The following DUSP15 variants were observed in gnomAD, a reference collection of about 807,000 sequenced individuals.
DUSP15 encodes the protein dual specificity protein phosphatase 15.
DUSP15 carries 23 observed loss-of-function variants against 26.3 expected under a neutral mutation model. The ratio of observed to expected loss-of-function variants is 0.87; its 90% CI spans 0.63 to 1.24. DUSP15 has a LOEUF of 1.24. DUSP15 is among the 50% of genes most tolerant of loss of function. The pLI, the probability that DUSP15 is intolerant of heterozygous loss-of-function variation, is 0.00. For missense variants in DUSP15, 364 were observed against 320.6 expected (o/e 1.14, Z -1.03); for synonymous variants, 143 against 135.5 (o/e 1.06, Z -0.39).
intron 8 of DUSP15, chr20:31,849,634 G>T (rs1435298460): frequency 1.3e-4 from 197 of 1,518,136 alleles, no homozygotes; most frequent in Non-Finnish European, 1.5e-4. Flanking sequence ...CAGGCGCTTG[G>T]TGAACACGCC....
At chr20:31,869,911 G>T in intron 1 of DUSP15, 1 of 1,364,080 alleles carries the variant, frequency 7.3e-7, no homozygotes. Context: ...AGGGTGCAGG[G>T]ATGGAAATTC....
intron 6 of DUSP15, among the ~76,000 whole-genome samples, chr20:31,855,453 G>A (rs1186336833): frequency 6.6e-6 from 1 of 152,198 alleles, no homozygotes; most frequent in Non-Finnish European, 1.5e-5. Flanking sequence ...GAGAAATTAA[G>A]GAGGAAGAGA....
At chr20:31,848,108 A>T in exon 10 of DUSP15, 1 of 387,906 alleles carries the variant, frequency 2.6e-6, no homozygotes, top group Non-Finnish European at 4.6e-6. Flanking sequence ...CTCTGAGGAA[A>T]GCGCTATTGA....
intron 2 of DUSP15, among the ~76,000 whole-genome samples, chr20:31,868,476 C>CTT (rs35862553): frequency 1.2e-3 from 114 of 97,312 alleles, no homozygotes; most frequent in Non-Finnish European, 1.6e-3. Flanking sequence ...TTTTCTTTCT[C>CTT]TTTTTTTTTT....
At chr20:31,864,340 TG>T (rs1476413008) in intron 4 of DUSP15, 13 of 1,063,274 alleles carry the variant, frequency 1.2e-5, no homozygotes, top group Non-Finnish European at 1.4e-5. Context: ...TCAGAGCACC[TG>T]GGCACAATGA....
chr20:31,846,127 GACACAGACAC>G (rs1568646240), downstream of DUSP15, among the ~76,000 whole-genome samples: 7 of 141,822 alleles, frequency 4.9e-5, no homozygotes, highest in African/African-American at 1.1e-4. Flanking sequence ...GAGACACACA[GACACAGACAC>G]ACACACAGAC....
At chr20:31,852,467 G>C (rs1479326266) in intron 6 of DUSP15, among the ~76,000 whole-genome samples, 1 of 152,220 alleles carries the variant, frequency 6.6e-6, no homozygotes, top group East Asian at 1.9e-4. Flanking sequence ...ACCTCCAGGG[G>C]CAGGATGGTA....
chr20:31,849,635 T>C (rs569874884), intron 8 of DUSP15: 1 of 1,519,408 alleles, frequency 6.6e-7, no homozygotes, highest in Admixed American at 1.9e-5. Flanking sequence ...AGGCGCTTGG[T>C]GAACACGCCC....
At chr20:31,869,455 C>G (rs2062862638) in intron 2 of DUSP15, 109 bp downstream of exon 2, 1 of 1,454,152 alleles carries the variant, frequency 6.9e-7, no homozygotes. Context: ...GGGCCGCTTC[C>G]CTGCCCCCAA....
chr20:31,855,470 G>C (rs1019091073), intron 6 of DUSP15, among the ~76,000 whole-genome samples: 8 of 152,308 alleles, frequency 5.3e-5, no homozygotes, highest in Non-Finnish European at 1.0e-4. Flanking sequence ...GAGATAAGCT[G>C]AAGCTAGATC....
chr20:31,850,820 TGGTA>T, intron 6 of DUSP15: 1 of 851,030 alleles, frequency 1.2e-6, no homozygotes, highest in Non-Finnish European at 1.9e-6. Flanking sequence ...GGAGGATGGG[TGGTA>T]GTAAGGAACC....
intron 2 of DUSP15, among the ~76,000 whole-genome samples, chr20:31,868,470 CTT>C (rs2062822041): frequency 1.4e-5 from 2 of 143,326 alleles, no homozygotes; most frequent in Admixed American, 7.5e-5. Flanking sequence ...TTTCTTTTTT[CTT>C]TCTCTTTTTT....
At chr20:31,852,119 C>T (rs1166445029) in intron 6 of DUSP15, among the ~76,000 whole-genome samples, 23 of 151,722 alleles carry the variant, frequency 1.5e-4, no homozygotes, top group African/African-American at 5.6e-4. Flanking sequence ...GTGATTCTCC[C>T]GCCTCAGCCT....
chr20:31,852,008 C>CT lies in DUSP15; in HGVS notation c.427-1333dup, dbSNP rs59714323. Reference sequence around the variant, plus strand: ...CTCAGTTTCCTCCTTTTCTTTCTTTCTTTTTTTTTTTTTTTTGAGATGGAG... The same window carrying CT: ...CTCAGTTTCCTCCTTTTCTTTCTTTCTTTTTTTTTTTTTTTTTGAGATGGAG... On this transcript the variant is annotated intron_variant, in intron 6 of 9. Coordinates refer to the DUSP15 transcript ENST00000278979. Among the ~76,000 whole-genome samples, 726 of 127,914 alleles carry CT rather than the reference C, an allele frequency of 5.7e-3. 1 individual carries two copies. The highest frequency in any genetic ancestry group is 0.016 in the African/African-American group (555 of 35,194). 83.9% of individuals were successfully genotyped at this position (127,914 alleles called of 152,430 possible). A position where few individuals can be genotyped will look rare whatever the true frequency, so the allele number is the denominator to read the frequency against.
At chr20:31,858,629 G>T (rs1568672579), downstream of DUSP15, among the ~76,000 whole-genome samples, 1 of 152,204 alleles carries the variant, frequency 6.6e-6, no homozygotes, top group South Asian at 2.1e-4. This position sits in a 1 kb window ranked among gnomAD's most constrained non-coding sequence, Gnocchi z 4.4. Flanking sequence ...GGGCTCTGCG[G>T]GTCTCAGGAG....
Position 31,870,366 on chromosome 20 carries a change from C to A in DUSP15, c.-29G>T. 9 of 1,280,000 alleles carry A rather than the reference C, an allele frequency of 7.0e-6. No individual in the cohort carries two copies. Among genetic ancestry groups the A allele is most frequent in the Non-Finnish European group, 8.9e-6 (9 of 1,014,004 alleles). The allele number at this position is 1,280,000 out of a possible 1,614,324, so 79.3% of individuals were successfully genotyped here. A position where few individuals can be genotyped will look rare whatever the true frequency, so the allele number is the denominator to read the frequency against. ...CCCGGGGGCGGCGGTCCGGGTGCAC[C>A]CCCAGCTCGCCGCCCGGGAAGCGAT... On this transcript the variant is annotated 5_prime_UTR_variant, in exon 1 of 7. Transcript: ENST00000339738. The surrounding 1 kb of genome is among the most constrained non-coding windows in gnomAD (Gnocchi z 6.6).
In DUSP15 at chr20:31,870,498, G is replaced by T; in HGVS notation, c.-161C>A. On this transcript the variant is annotated 5_prime_UTR_variant, in exon 1 of 7. Transcript: ENST00000339738. The surrounding 1 kb of genome is among the most constrained non-coding windows in gnomAD (Gnocchi z 6.6). Reference sequence around the variant, plus strand: ...CCAGCCCTGCCCAGCCACCGCCACCGCCCGCCGACCCCCGGCCCGGGAGGG... The same window carrying T: ...CCAGCCCTGCCCAGCCACCGCCACCTCCCGCCGACCCCCGGCCCGGGAGGG... 1 of 1,388,972 alleles carries T rather than the reference G, an allele frequency of 7.2e-7. No homozygotes were observed. Among genetic ancestry groups the T allele is most frequent in the Non-Finnish European group, 9.3e-7 (1 of 1,075,250 alleles). 86.0% of individuals were successfully genotyped at this position (1,388,972 alleles called of 1,614,324 possible).
chr20:31,853,299 T>C (rs778593889), intron 6 of DUSP15, among the ~76,000 whole-genome samples: 2 of 151,480 alleles, frequency 1.3e-5, no homozygotes, highest in Non-Finnish European at 1.5e-5. Context: ...ATAAATAGAG[T>C]GATGGGATAT....
At position 31,861,588 on chromosome 20, in the gene DUSP15, A is replaced by G. The variant is rs1490497288; in HGVS notation, c.523T>C (p.Cys175Arg). The G allele has an allele frequency of 5.3e-6, 8 of 1,496,072 alleles. No individual in the cohort carries two copies. In the African/African-American group the frequency reaches 1.0e-4, roughly 19 times the overall value. 92.7% of individuals were successfully genotyped at this position (1,496,072 alleles called of 1,614,324 possible). ...LRALLPLCKR[C>R]RQGSATSASS... ...GCCGAGGTCGCGGAGCCCTGCCGGC[A>G]GCGCTTGCACAGCGGCAGCAGCGCG... The change falls in exon 7 of 7, where the codon TGC becomes CGC. Residue 175 changes from cysteine to arginine, a missense_variant. Coordinates refer to ENST00000339738, the MANE Select transcript of DUSP15 (RefSeq NM_080611.5).
Sources: allele counts gnomAD v4.1 joint callset (sites outside exome capture counted in the v4.1 genomes callset), GRCh38; gene constraint gnomAD v4.1.1; non-coding constraint Gnocchi (gnomAD v3.1); transcripts MANE v1.5; gene names NCBI Gene and HGNC (gene_info 2026-07-23, HGNC 2026-07-21).